FAM240B: variants seen among roughly 807,000 people sequenced by gnomAD.
FAM240B encodes family with sequence similarity 240 member B.
At chr9:38,718,541 A>G (rs1269467938) in intron 1 of FAM240B, among the ~76,000 whole-genome samples, 1 of 152,214 alleles carries the variant, frequency 6.6e-6, no homozygotes, top group African/African-American at 2.4e-5. Flanking sequence ...AGACCCTGGA[A>G]AACAATTGGC....
intron 1 of FAM240B, among the ~76,000 whole-genome samples, chr9:38,708,733 A>T (rs2119008691): frequency 6.6e-6 from 1 of 152,274 alleles, no homozygotes; most frequent in South Asian, 2.1e-4. Context: ...CTCACAATGC[A>T]TCTCCTGATC....
chr9:38,708,506 G>A (rs1821217167), intron 1 of FAM240B, among the ~76,000 whole-genome samples: 1 of 152,222 alleles, frequency 6.6e-6, no homozygotes, highest in South Asian at 2.1e-4. Flanking sequence ...GTCAGGCCAG[G>A]AGGCTGCATC....
At position 38,694,621 on chromosome 9, in the gene FAM240B, A is replaced by G. The variant is rs1443618077; in HGVS notation, c.*155T>C. 33 of 394,550 alleles carry G rather than the reference A, an allele frequency of 8.4e-5. No homozygotes were observed. Among genetic ancestry groups the G allele is most frequent in the Non-Finnish European group, 1.3e-4 (30 of 224,068 alleles). 24.4% of individuals were successfully genotyped at this position (394,550 alleles called of 1,614,324 possible). ...ATTGAGCAGGATAATAACTCCCATT[A>G]GCACTGGGGGAGGTTTCACATGTAA... On this transcript the variant is annotated 3_prime_UTR_variant, in exon 3 of 3. Transcript: ENST00000637493.
rs745874126 is a variant in FAM240B at position 38,694,783 on chromosome 9, G to A, written c.230C>T (p.Ala77Val). Reference protein sequence around the residue: ...PVEKEKPAHTAD With the variant: ...PVEKEKPAHTVD ...CGGTGAGGCAGGCAGAGCTCAGTCC[G>A]CGGTGTGTGCCGGCTTTTCCTTCTC... The change falls in exon 3 of 3, where the codon GCG becomes GTG. Residue 77 changes from alanine to valine, a missense_variant. Physicochemically the swap from Ala to Val is moderately conservative, Grantham distance 64 (BLOSUM62 0). Transcript: ENST00000637493. 1.0e-5 allele frequency: 4 copies of A among 398,466 alleles called. No homozygotes were observed. Among genetic ancestry groups the A allele is most frequent in the Non-Finnish European group, 8.8e-6 (2 of 226,078 alleles). The allele number at this position is 398,466 out of a possible 1,614,324, so 24.7% of individuals were successfully genotyped here. A position where few individuals can be genotyped will look rare whatever the true frequency, so the allele number is the denominator to read the frequency against.
rs528259522 is a variant in FAM240B, at chr9:38,694,864, CT to C, written c.148del (p.Arg50GlufsTer12). On this transcript the variant is annotated frameshift_variant, in exon 3 of 3. Coordinates refer to ENST00000637493, the MANE Select transcript of FAM240B (RefSeq NM_001394922.1). LOFTEE classifies it high-confidence loss of function. ...CTCCAGCCTCTGCCTCCATTCTTCT[CT>C]GAGTCTGCGGAGGGGAAACCGTGCA... ...RQERSALKKL[R>X]EEWRQRLERR... 62 of 398,816 alleles carry C rather than the reference CT, an allele frequency of 1.6e-4. No homozygotes were observed. The highest frequency in any genetic ancestry group is 1.2e-3 in the African/African-American group (57 of 48,762). The allele number at this position is 398,816 out of a possible 1,614,324, so 24.7% of individuals were successfully genotyped here.
At chr9:38,718,013 G>A (rs111646391) in intron 1 of FAM240B, among the ~76,000 whole-genome samples, 6 of 152,118 alleles carry the variant, frequency 3.9e-5, no homozygotes, top group African/African-American at 4.8e-5. Context: ...ATATATATGC[G>A]TACGTATGTG....
intron 2 of FAM240B, among the ~76,000 whole-genome samples, chr9:38,699,711 C>T (rs1821103943): frequency 6.6e-6 from 1 of 152,216 alleles, no homozygotes; most frequent in African/African-American, 2.4e-5. Context: ...GCGGCCGGCA[C>T]TATCAGTCAA....
chr9:38,706,559 C>T (rs910249765), intron 1 of FAM240B, among the ~76,000 whole-genome samples: 5 of 152,168 alleles, frequency 3.3e-5, no homozygotes, highest in African/African-American at 1.2e-4. Context: ...GACCCCCTTC[C>T]AAGAGCCGGC....
chr9:38,695,575 A>G (rs537301379), intron 2 of FAM240B, among the ~76,000 whole-genome samples: 1 of 152,358 alleles, frequency 6.6e-6, no homozygotes, highest in South Asian at 2.1e-4. Context: ...AAAGAAAAAA[A>G]TGAATAGTCA....
chr9:38,707,295 A>C (rs1821201349), intron 1 of FAM240B, among the ~76,000 whole-genome samples: 1 of 152,188 alleles, frequency 6.6e-6, no homozygotes, highest in Non-Finnish European at 1.5e-5. Flanking sequence ...CCGTGCAGGA[A>C]CACAGCCTGC....
rs1454757689 is a variant in FAM240B at position 38,704,730 on chromosome 9, A to G, written c.-3-728T>C. On this transcript the variant is annotated intron_variant, in intron 1 of 2. Coordinates refer to ENST00000637493, the MANE Select transcript of FAM240B (RefSeq NM_001394922.1). ...AGAATAGCAAGAGCCTCTGCTGTCT[A>G]TCGAGGACCCGATGTGGGCCGGGCA... 3.9e-5 allele frequency among the ~76,000 whole-genome samples: 6 copies of G among 152,174 alleles called. No individual in the cohort carries two copies. The East Asian group carries it at 9.7e-4, about 25-fold the overall frequency.
intron 1 of FAM240B, chr9:38,705,581 T>G (rs1587591071): frequency 1.5e-5 from 1 of 66,752 alleles, no homozygotes; most frequent in Admixed American, 2.4e-4. Context: ...AGAGCAAGAC[T>G]CCAACTCAAA....
chr9:38,699,707 G>A (rs10113889), intron 2 of FAM240B, among the ~76,000 whole-genome samples: 4,401 of 152,232 alleles, frequency 0.029, 201 homozygotes, highest in African/African-American at 0.1. Flanking sequence ...GGGAGCGGCC[G>A]GCACTATCAG....
At chr9:38,712,978 C>G (rs553169095) in intron 1 of FAM240B, among the ~76,000 whole-genome samples, 1 of 152,262 alleles carries the variant, frequency 6.6e-6, no homozygotes, top group East Asian at 1.9e-4. Context: ...CATCTGTCAT[C>G]ATAGACTAAA....
chr9:38,696,762 C>T (rs1482752105), intron 2 of FAM240B, among the ~76,000 whole-genome samples: 2 of 152,054 alleles, frequency 1.3e-5, no homozygotes, highest in African/African-American at 2.4e-5. Flanking sequence ...TGCAGTGAGC[C>T]GAGATCGCAC....
chr9:38,718,090 C>G (rs78640647), intron 1 of FAM240B, among the ~76,000 whole-genome samples: 2,862 of 152,296 alleles, frequency 0.019, 90 homozygotes, highest in African/African-American at 0.065. Context: ...CCTTTTTCAA[C>G]TAAGAAAATA....
chr9:38,713,504 A>AT (rs1821278944), intron 1 of FAM240B, among the ~76,000 whole-genome samples: 1 of 151,408 alleles, frequency 6.6e-6, no homozygotes, highest in Non-Finnish European at 1.5e-5. Context: ...AAAAAAAAAA[A>AT]AGAACTAGAT....
chr9:38,697,807 T>C (rs968987495), intron 2 of FAM240B, among the ~76,000 whole-genome samples: 12 of 152,232 alleles, frequency 7.9e-5, no homozygotes, highest in Admixed American at 6.5e-4. Context: ...CTTGTCTTCA[T>C]TGACATCTCA....
At chr9:38,699,005 T>C (rs932165102) in intron 2 of FAM240B, among the ~76,000 whole-genome samples, 2 of 152,188 alleles carry the variant, frequency 1.3e-5, no homozygotes, top group African/African-American at 4.8e-5. Flanking sequence ...AGATAATGCT[T>C]AAAACTTGAC....
Sources: allele counts gnomAD v4.1 joint callset (sites outside exome capture counted in the v4.1 genomes callset), GRCh38; gene constraint gnomAD v4.1.1; transcripts MANE v1.5; gene names NCBI Gene and HGNC (gene_info 2026-07-23, HGNC 2026-07-21).